Variants in TAFA1 observed in about 807,000 individuals in gnomAD.
The protein encoded by TAFA1 is TAFA chemokine like family member 1.
Under a neutral mutation model 18.5 loss-of-function variants are expected in TAFA1, and 4 were observed. The observed-to-expected ratio is 0.22, with a 90% confidence interval of 0.11 to 0.49. The LOEUF (loss-of-function observed/expected upper bound fraction) is 0.49. TAFA1 is among the 20% of genes least tolerant of loss of function. The pLI is 0.98. For synonymous variants in TAFA1, 56 were observed against 55.2 expected (o/e 1.01, Z -0.06); for missense variants, 147 against 169.0 (o/e 0.87, Z 0.72).
chr3:68,073,917 A>T (rs1245015904), intron 2 of TAFA1, among the ~76,000 whole-genome samples: 1 of 151,976 alleles, frequency 6.6e-6, no homozygotes. Flanking sequence ...TAGGTGGGGG[A>T]TATGGTTTTG....
intron 3 of TAFA1, among the ~76,000 whole-genome samples, chr3:68,465,512 G>C (rs2071871821): frequency 6.6e-6 from 1 of 152,174 alleles, no homozygotes; most frequent in Non-Finnish European, 1.5e-5. Context: ...ATTGAAAAGT[G>C]AAAGAAGCAA....
intron 2 of TAFA1, among the ~76,000 whole-genome samples, chr3:68,079,298 G>C (rs1347996194): frequency 6.6e-6 from 1 of 152,008 alleles, no homozygotes; most frequent in Non-Finnish European, 1.5e-5. Context: ...AGGGTTTTTT[G>C]TGTCTCTATT....
chr3:68,410,517 T>C (rs890475663), intron 2 of TAFA1, among the ~76,000 whole-genome samples: 1 of 152,022 alleles, frequency 6.6e-6, no homozygotes, highest in Admixed American at 6.6e-5. Flanking sequence ...TTTAGATGTA[T>C]GTTTTCTGCA....
chr3:68,070,535 G>T (rs1270184393), intron 2 of TAFA1, among the ~76,000 whole-genome samples: 1 of 152,210 alleles, frequency 6.6e-6, no homozygotes, highest in Non-Finnish European at 1.5e-5. Context: ...CCATTGTCTT[G>T]GGGATTAACA....
At chr3:67,993,580 C>A in the TAFA1 span, among the ~76,000 whole-genome samples, 2 of 152,148 alleles carry the variant, frequency 1.3e-5, no homozygotes, top group African/African-American at 4.8e-5. Flanking sequence ...TGTGCAATAC[C>A]ATACTACAGG....
chr3:68,052,268 T>A (rs1257578978), intron 2 of TAFA1, among the ~76,000 whole-genome samples: 1 of 152,120 alleles, frequency 6.6e-6, no homozygotes, highest in African/African-American at 2.4e-5. Flanking sequence ...GACAGATGAA[T>A]TTGCTAGAGA....
intron 2 of TAFA1, among the ~76,000 whole-genome samples, chr3:68,349,260 C>T (rs947758539): frequency 2.6e-5 from 4 of 151,890 alleles, no homozygotes; most frequent in African/African-American, 7.3e-5. Flanking sequence ...TCAAAGTTAT[C>T]TGCACCTACT....
intron 2 of TAFA1, chr3:68,192,690 T>C (rs1209819234): frequency 7.0e-6 from 1 of 143,166 alleles, no homozygotes; most frequent in African/African-American, 2.5e-5. Context: ...CTGCAATTTC[T>C]TTATGTTAAA....
At chr3:68,158,503 G>T (rs542319966) in intron 2 of TAFA1, among the ~76,000 whole-genome samples, 3 of 151,106 alleles carry the variant, frequency 2.0e-5, no homozygotes, top group Non-Finnish European at 2.9e-5. Context: ...GCCATTTTTC[G>T]TGTCAGCTTG....
chr3:68,095,618 G>A (rs986997202), intron 2 of TAFA1, among the ~76,000 whole-genome samples: 6 of 152,076 alleles, frequency 3.9e-5, no homozygotes, highest in African/African-American at 1.4e-4. Flanking sequence ...TGTAAGACAT[G>A]GTCCTCACCC....
At chr3:68,176,108 A>G (rs144541657) in intron 2 of TAFA1, among the ~76,000 whole-genome samples, 110 of 152,276 alleles carry the variant, frequency 7.2e-4, no homozygotes, top group Middle Eastern at 3.4e-3. Context: ...GGAACTGTAC[A>G]TTCATTGAAC....
intron 2 of TAFA1, among the ~76,000 whole-genome samples, chr3:68,348,337 A>G (rs2069201392): frequency 6.6e-6 from 1 of 152,192 alleles, no homozygotes. Flanking sequence ...ATACTCATTT[A>G]TCACTATACT....
chr3:68,209,704 C>A (rs974997649), intron 2 of TAFA1, among the ~76,000 whole-genome samples: 1 of 152,048 alleles, frequency 6.6e-6, no homozygotes, highest in African/African-American at 2.4e-5. Flanking sequence ...ATTCTATCAA[C>A]AAATACTACA....
chr3:68,521,362 A>C (rs1369152925), intron 3 of TAFA1, among the ~76,000 whole-genome samples: 1 of 152,216 alleles, frequency 6.6e-6, no homozygotes, highest in Non-Finnish European at 1.5e-5. Flanking sequence ...TCAAGGGAGA[A>C]GGAGTTGGGA....
chr3:68,333,422 G>T (rs2068914834), intron 2 of TAFA1, among the ~76,000 whole-genome samples: 1 of 152,142 alleles, frequency 6.6e-6, no homozygotes, highest in Non-Finnish European at 1.5e-5. Context: ...ATAAGTAGGA[G>T]CTAAACACAG....
chr3:68,280,784 T>A (rs1186385523), intron 2 of TAFA1, among the ~76,000 whole-genome samples: 1 of 152,118 alleles, frequency 6.6e-6, no homozygotes, highest in African/African-American at 2.4e-5. Context: ...GTTCCAGAAA[T>A]AGGAATCACA....
chr3:68,294,347 C>T (rs1362929625), intron 2 of TAFA1, among the ~76,000 whole-genome samples: 1 of 152,026 alleles, frequency 6.6e-6, no homozygotes, highest in Non-Finnish European at 1.5e-5. Context: ...AAATATATCC[C>T]CAATATCATT....
At chr3:68,383,753 G>A (rs1349256658) in intron 2 of TAFA1, among the ~76,000 whole-genome samples, 2 of 152,102 alleles carry the variant, frequency 1.3e-5, no homozygotes, top group African/African-American at 4.8e-5. Context: ...ATCAGGAATG[G>A]TATCAGCTCT....
At chr3:68,402,058 G>T (rs1291940576) in intron 2 of TAFA1, among the ~76,000 whole-genome samples, 1 of 151,934 alleles carries the variant, frequency 6.6e-6, no homozygotes, top group Non-Finnish European at 1.5e-5. Flanking sequence ...TACATTCTTG[G>T]CATGTCAAGA....
Sources: allele counts gnomAD v4.1 joint callset (sites outside exome capture counted in the v4.1 genomes callset), GRCh38; gene constraint gnomAD v4.1.1; transcripts MANE v1.5; gene names NCBI Gene and HGNC (gene_info 2026-07-23, HGNC 2026-07-21).